The following TAFA4 variants were observed in gnomAD, a reference collection of about 807,000 sequenced individuals.
TAFA4 encodes TAFA chemokine like family member 4, also known as chemokine-like protein TAFA-4.
In TAFA4, 20 loss-of-function variants were observed where a neutral mutation model predicts 21.1. The observed-to-expected ratio is 0.95, with a 90% CI of 0.67 to 1.38. TAFA4 has a LOEUF of 1.38. Ranked by LOEUF, TAFA4 falls within the 40% of genes most tolerant of loss-of-function variation. TAFA4 has a pLI of 0.00. For synonymous variants in TAFA4, 71 were observed against 67.4 expected (o/e 1.05, Z -0.26); for missense variants, 211 against 180.9 (o/e 1.17, Z -0.95).
intron 3 of TAFA4, among the ~76,000 whole-genome samples, chr3:68,856,534 T>A (rs17048084): frequency 6.6e-6 from 1 of 151,782 alleles, no homozygotes; most frequent in African/African-American, 2.4e-5. Flanking sequence ...CCATTAGGCA[T>A]CCTCTTGGGG....
At chr3:68,856,014 T>C (rs982600861) in intron 3 of TAFA4, among the ~76,000 whole-genome samples, 4 of 152,066 alleles carry the variant, frequency 2.6e-5, no homozygotes, top group African/African-American at 4.8e-5. Context: ...CAAACTAAGA[T>C]GGTGAGGCAG....
chr3:68,778,520 G>C (rs980621716), intron 3 of TAFA4, among the ~76,000 whole-genome samples: 9 of 152,174 alleles, frequency 5.9e-5, no homozygotes, highest in East Asian at 3.9e-4. Flanking sequence ...TTATGGGAGG[G>C]ACCCAGTGGG....
At chr3:68,902,581 T>C (rs1247478965) in intron 1 of TAFA4, among the ~76,000 whole-genome samples, 1 of 152,160 alleles carries the variant, frequency 6.6e-6, no homozygotes, top group Non-Finnish European at 1.5e-5. Flanking sequence ...TTTCCCAGGC[T>C]GGTCTCGAAT....
In TAFA4 at chr3:68,891,142, C is replaced by A. The variant is rs75636660; in HGVS notation, c.-122-5832G>T. Among the ~76,000 whole-genome samples, 762 of 152,210 alleles carry A rather than the reference C, an allele frequency of 5.0e-3. 5 individuals carry two copies. Among genetic ancestry groups the A allele is most frequent in the African/African-American group, 0.018 (745 of 41,526 alleles). ...TCTAAAACGTTTCAGTGAAGATATA[C>A]CAGAGCCAGAACATCATACATGAAG... On this transcript the variant is annotated intron_variant, in intron 1 of 5. Coordinates refer to ENST00000295569, the MANE Select transcript of TAFA4 (RefSeq NM_182522.5).
intron 1 of TAFA4, among the ~76,000 whole-genome samples, chr3:68,887,115 T>C (rs1222539485): frequency 6.6e-6 from 1 of 152,178 alleles, no homozygotes; most frequent in African/African-American, 2.4e-5. Context: ...AAACAAGTTA[T>C]CTACTTCCAA....
At chr3:68,890,970 C>G (rs754389613) in intron 1 of TAFA4, among the ~76,000 whole-genome samples, 3 of 152,166 alleles carry the variant, frequency 2.0e-5, no homozygotes, top group Non-Finnish European at 4.4e-5. Flanking sequence ...GTGGCACAGG[C>G]TTCTCATTTG....
At chr3:68,883,795 T>A (rs552805535) in intron 2 of TAFA4, among the ~76,000 whole-genome samples, 17 of 152,068 alleles carry the variant, frequency 1.1e-4, no homozygotes, top group African/African-American at 4.1e-4. Flanking sequence ...TGGCCATGCA[T>A]GGTGGCTCAT....
chr3:68,829,924 A>T, intron 3 of TAFA4, among the ~76,000 whole-genome samples: 1 of 152,054 alleles, frequency 6.6e-6, no homozygotes, highest in East Asian at 1.9e-4. Context: ...GGGAGGGTGT[A>T]TGTGTCGAGG....
chr3:68,899,838 G>C (rs1307230083), intron 1 of TAFA4, among the ~76,000 whole-genome samples: 2 of 152,058 alleles, frequency 1.3e-5, no homozygotes, highest in Non-Finnish European at 2.9e-5. Flanking sequence ...ATCCCCAAAA[G>C]AAGAAATGCA....
Position 68,800,599 on chromosome 3 carries a change from T to C in TAFA4, c.131-47581A>G, listed in dbSNP as rs920975346. Among the ~76,000 whole-genome samples, 5 of 152,250 alleles carry C rather than the reference T, an allele frequency of 3.3e-5. No individual in the cohort carries two copies. The South Asian group carries it at 6.2e-4, about 19-fold the overall frequency. The stretch of plus-strand genomic sequence containing the variant: ...AGAGTGGCCAAGCAACTGCCCCAAC[T>C]TAGAGAGTGTGAGTTCTCTGCCTTC... On this transcript the variant is annotated intron_variant, in intron 3 of 5. Transcript: ENST00000295569.
chr3:68,740,838 AG>A (rs1702335198), intron 4 of TAFA4, among the ~76,000 whole-genome samples: 1 of 152,196 alleles, frequency 6.6e-6, no homozygotes, highest in Middle Eastern at 3.2e-3. Flanking sequence ...TTTAAGTCAC[AG>A]GTCTAACTTC....
intron 3 of TAFA4, among the ~76,000 whole-genome samples, chr3:68,875,686 A>G (rs150568574): frequency 4.5e-4 from 69 of 152,254 alleles, no homozygotes; most frequent in African/African-American, 1.6e-3. Context: ...ATTGATCAAA[A>G]TAAGTTTGCT....
At chr3:68,920,295 C>G (rs2090045957) in intron 1 of TAFA4, among the ~76,000 whole-genome samples, 1 of 152,184 alleles carries the variant, frequency 6.6e-6, no homozygotes, top group Admixed American at 6.5e-5. Flanking sequence ...AATTCACACA[C>G]AAGACTGTAT....
At chr3:68,830,477 T>G (rs1227012911) in intron 3 of TAFA4, among the ~76,000 whole-genome samples, 1 of 152,242 alleles carries the variant, frequency 6.6e-6, no homozygotes, top group Non-Finnish European at 1.5e-5. Context: ...GATTGTTCAC[T>G]TTCCATGTAG....
At chr3:68,901,857 TC>T (rs892916301) in intron 1 of TAFA4, among the ~76,000 whole-genome samples, 1 of 152,188 alleles carries the variant, frequency 6.6e-6, no homozygotes, top group African/African-American at 2.4e-5. Context: ...ACTGTTTACA[TC>T]CTTTCAGTGG....
At chr3:68,849,367 A>T (rs1257747460) in intron 3 of TAFA4, among the ~76,000 whole-genome samples, 1 of 152,202 alleles carries the variant, frequency 6.6e-6, no homozygotes, top group African/African-American at 2.4e-5. Flanking sequence ...TTTATCGCCC[A>T]GGCTTCATGA....
intron 3 of TAFA4, among the ~76,000 whole-genome samples, chr3:68,805,515 T>C (rs1426816030): frequency 2.6e-5 from 4 of 152,322 alleles, no homozygotes; most frequent in African/African-American, 4.8e-5. Flanking sequence ...CGTATGTTTA[T>C]TGCGGCACTA....
At chr3:68,762,076 T>G (rs1702766132) in intron 3 of TAFA4, among the ~76,000 whole-genome samples, 1 of 151,888 alleles carries the variant, frequency 6.6e-6, no homozygotes, top group South Asian at 2.1e-4. Flanking sequence ...TGCTCATTAT[T>G]GGCGTATGTA....
intron 3 of TAFA4, among the ~76,000 whole-genome samples, chr3:68,771,523 G>C (rs1702957420): frequency 6.6e-6 from 1 of 152,094 alleles, no homozygotes. Context: ...GGGGATAAGG[G>C]AACACTCCCA....
Sources: gnomAD v4.1 joint callset for allele counts (sites outside exome capture counted in the v4.1 genomes callset) on GRCh38, gnomAD v4.1.1 for gene constraint, MANE v1.5 for transcripts, NCBI Gene and HGNC (gene_info 2026-07-23, HGNC 2026-07-21) for gene names.